EYS: variants seen among roughly 807,000 people sequenced by gnomAD.
EYS encodes the protein EGF-like photoreceptor maintenance factor.
Under a neutral mutation model 282.1 loss-of-function variants are expected in EYS, and 250 were observed. The observed-to-expected ratio is 0.89, with a 90% CI of 0.80 to 0.98. EYS has a LOEUF of 0.98. Ranked by LOEUF, EYS falls within the 50% of genes least tolerant of loss-of-function variation. The pLI is 0.00. For missense variants in EYS, 4,016 were observed against 3,709.0 expected (o/e 1.08, Z -2.15); for synonymous variants, 1,355 against 1,282.9 (o/e 1.06, Z -1.20).
Position 65,559,197 on chromosome 6 carries a change from A to G in EYS, c.-332-63204T>C, listed in dbSNP as rs1434129030. Among the ~76,000 whole-genome samples, 4 of 152,132 alleles carry G rather than the reference A, an allele frequency of 2.6e-5. No individual in the cohort carries two copies. The East Asian group carries it at 7.7e-4, about 29-fold the overall frequency. On this transcript the variant is annotated intron_variant, in intron 2 of 42. Transcript: ENST00000503581. ...TCAGTCTTTAGTTCTTTTCTGGCCA[A>G]CATGGCAAAACCCCATTTCTGCTAA...
At chr6:65,042,029 A>G (rs972263102) in intron 13 of EYS, among the ~76,000 whole-genome samples, 1 of 151,632 alleles carries the variant, frequency 6.6e-6, no homozygotes, top group Non-Finnish European at 1.5e-5. Context: ...ATAAAAACCT[A>G]TTATTATTTC....
At chr6:64,126,909 CA>C (rs1773805821) in intron 31 of EYS, among the ~76,000 whole-genome samples, 1 of 151,786 alleles carries the variant, frequency 6.6e-6, no homozygotes. Context: ...TGATCTATTC[CA>C]GGTGCCTAGT....
chr6:63,782,536 G>A (rs1225144431), intron 39 of EYS, among the ~76,000 whole-genome samples: 5 of 152,334 alleles, frequency 3.3e-5, no homozygotes, highest in African/African-American at 1.2e-4. Context: ...GTTTATTTGT[G>A]TAGAGGTGTT....
chr6:64,648,008 A>G (rs1768417175), intron 22 of EYS, among the ~76,000 whole-genome samples: 1 of 152,214 alleles, frequency 6.6e-6, no homozygotes, highest in African/African-American at 2.4e-5. Flanking sequence ...CCTGTGAATT[A>G]CAGGGTAATT....
At chr6:65,430,429 C>T (rs994807807) in intron 5 of EYS, among the ~76,000 whole-genome samples, 5 of 152,110 alleles carry the variant, frequency 3.3e-5, no homozygotes, top group Admixed American at 2.6e-4. Context: ...TCCAAAATGC[C>T]GGTCTCTGAG....
intron 22 of EYS, among the ~76,000 whole-genome samples, chr6:64,628,348 G>A (rs926182712): frequency 6.6e-6 from 1 of 151,326 alleles, no homozygotes; most frequent in African/African-American, 2.4e-5. Flanking sequence ...GTCAATAATC[G>A]AAGTGTTCAT....
At chr6:63,777,904 A>G in intron 40 of EYS, 102 bp downstream of exon 40, 1 of 1,097,850 alleles carries the variant, frequency 9.1e-7, no homozygotes, top group African/African-American at 1.6e-5. Context: ...AAATATGTGC[A>G]TCTGTTTGTG....
rs1369597158 is a variant in EYS, at chr6:64,591,340, G to A, written c.4527C>T (p.Asn1509=). The A allele has an allele frequency of 1.3e-6, 2 of 1,551,244 alleles. No homozygotes were observed. Among genetic ancestry groups the A allele is most frequent in the South Asian group, 1.2e-5 (1 of 84,068 alleles). ...TACTGAACCGGTGCAGAGCTGATGAGTTTAAGATGGTTACCTGTTTAGATA... is the reference window on the plus strand; with the variant it reads ...TACTGAACCGGTGCAGAGCTGATGAATTTAAGATGGTTACCTGTTTAGATA... ...VIISKQVTIL[N]SSALHRFSTK... is the part of the protein sequence containing the mutation. Residue 1509 remains asparagine, a synonymous_variant, in exon 26 of 43, where the codon AAC becomes AAT. Transcript: ENST00000503581.
intron 30 of EYS, among the ~76,000 whole-genome samples, chr6:64,265,516 GAGA>G (rs1459779362): frequency 6.6e-6 from 1 of 152,140 alleles, no homozygotes; most frequent in Admixed American, 6.6e-5. Flanking sequence ...CTAACGTCTA[GAGA>G]AGAATTGCTA....
At chr6:65,473,624 C>A (rs994677158) in intron 5 of EYS, among the ~76,000 whole-genome samples, 1 of 151,798 alleles carries the variant, frequency 6.6e-6, no homozygotes, top group African/African-American at 2.4e-5. Flanking sequence ...ATTTTAGATA[C>A]AAGATCTAAC....
intron 16 of EYS, among the ~76,000 whole-genome samples, chr6:64,904,001 C>A (rs1005508553): frequency 3.3e-5 from 5 of 152,062 alleles, no homozygotes; most frequent in Admixed American, 3.3e-4. Context: ...GTATTTACAG[C>A]CACACATATC....
intron 26 of EYS, among the ~76,000 whole-genome samples, chr6:64,477,754 T>A (rs973362665): frequency 6.6e-6 from 1 of 152,102 alleles, no homozygotes; most frequent in Non-Finnish European, 1.5e-5. Flanking sequence ...ACTACTCTAC[T>A]GAGATATTGC....
chr6:64,938,392 T>C (rs1426294424), intron 15 of EYS, among the ~76,000 whole-genome samples: 2 of 151,636 alleles, frequency 1.3e-5, no homozygotes, highest in Middle Eastern at 3.2e-3. Flanking sequence ...CAGTATGTTA[T>C]GATTTTTCTA....
chr6:65,117,397 A>G (rs1209726269), intron 12 of EYS, among the ~76,000 whole-genome samples: 1 of 152,234 alleles, frequency 6.6e-6, no homozygotes, highest in Non-Finnish European at 1.5e-5. Flanking sequence ...AAAGGGAACC[A>G]GAGAAAAGGC....
At chr6:64,068,257 A>G (rs553729092) in intron 32 of EYS, among the ~76,000 whole-genome samples, 1 of 152,072 alleles carries the variant, frequency 6.6e-6, no homozygotes, top group African/African-American at 2.4e-5. Flanking sequence ...GACTGTTTTG[A>G]TATACTCTGT....
At chr6:64,694,776 A>T (rs1770517677) in intron 22 of EYS, among the ~76,000 whole-genome samples, 2 of 152,142 alleles carry the variant, frequency 1.3e-5, no homozygotes, top group Admixed American at 1.3e-4. Context: ...GTGAGACTGG[A>T]TCAGGAGAAG....
At chr6:65,627,577 T>G (rs1021601259) in intron 2 of EYS, among the ~76,000 whole-genome samples, 25 of 152,078 alleles carry the variant, frequency 1.6e-4, no homozygotes, top group African/African-American at 6.0e-4. Flanking sequence ...GCGGGCCAGC[T>G]GGAGTTCCGG....
intron 33 of EYS, among the ~76,000 whole-genome samples, chr6:64,063,852 CCTGAGTAG>C (rs1332345035): frequency 2.0e-5 from 3 of 152,134 alleles, no homozygotes; most frequent in Admixed American, 6.5e-5. Context: ...GCCTCAGCCT[CCTGAGTAG>C]CTGGGATTAC....
chr6:65,471,749 A>G (rs887359882), intron 5 of EYS, among the ~76,000 whole-genome samples: 2 of 152,180 alleles, frequency 1.3e-5, no homozygotes, highest in African/African-American at 4.8e-5. Context: ...TGTTCACAAT[A>G]GAAATCATGT....
Sources: allele counts gnomAD v4.1 joint callset (sites outside exome capture counted in the v4.1 genomes callset), GRCh38; gene constraint gnomAD v4.1.1; transcripts MANE v1.5; gene names NCBI Gene and HGNC (gene_info 2026-07-23, HGNC 2026-07-21).